Variants in COL6A5 observed in about 807,000 individuals in gnomAD.
COL6A5 encodes the protein collagen type VI alpha 5 chain.
COL6A5 carries 48 observed loss-of-function variants against 65.6 expected under a neutral mutation model. That is an observed-to-expected ratio of 0.73 (90% CI 0.58 to 0.93). COL6A5 has a LOEUF of 0.93. Ranked by LOEUF, COL6A5 falls within the 40% of genes least tolerant of loss-of-function variation. COL6A5 has a pLI of 0.00. For missense variants in COL6A5, 914 were observed against 928.3 expected (o/e 0.98, Z 0.20); for synonymous variants, 291 against 322.8 (o/e 0.90, Z 1.05).
intron 5 of COL6A5, among the ~76,000 whole-genome samples, chr3:130,467,932 T>G (rs1709855862): frequency 6.6e-6 from 1 of 152,018 alleles, no homozygotes. Context: ...CTTTCCAAAC[T>G]GGCATTTCCT....
chr3:130,417,270 T>C (rs1319456471), intron 24 of COL6A5, among the ~76,000 whole-genome samples: 2 of 152,098 alleles, frequency 1.3e-5, no homozygotes, highest in Non-Finnish European at 2.9e-5. Context: ...GAACTCCTTC[T>C]TGAAAAAAGT....
At chr3:130,478,891 G>T (rs888767602) in intron 7 of COL6A5, among the ~76,000 whole-genome samples, 2 of 152,110 alleles carry the variant, frequency 1.3e-5, no homozygotes, top group African/African-American at 4.8e-5. Context: ...ATCATGGAGT[G>T]AGGGTGATAG....
At chr3:130,465,624 A>G (rs1049678366) in intron 5 of COL6A5, among the ~76,000 whole-genome samples, 3 of 152,096 alleles carry the variant, frequency 2.0e-5, no homozygotes, top group African/African-American at 4.8e-5. Flanking sequence ...GCCTTCCAGA[A>G]CTAAGCACAT....
Position 130,384,290 on chromosome 3 carries a change from A to G in COL6A5, c.1301-514A>G, listed in dbSNP as rs191598363. On this transcript the variant is annotated intron_variant and NMD_transcript_variant, in intron 4 of 41. Coordinates refer to the COL6A5 transcript ENST00000312481. Reference sequence around the variant, plus strand: ...GAGTCAGAGAGAAAAGCAGGAGACAAGATAAGGCCAAGTTTTAGTTTTTAA... The same window carrying G: ...GAGTCAGAGAGAAAAGCAGGAGACAGGATAAGGCCAAGTTTTAGTTTTTAA... Among the ~76,000 whole-genome samples, 117 of 152,182 alleles carry G rather than the reference A, an allele frequency of 7.7e-4. No individual in the cohort carries two copies. The Middle Eastern group carries it at 0.017, about 22-fold the overall frequency.
chr3:130,459,738 A>G (rs960937351), intron 5 of COL6A5, among the ~76,000 whole-genome samples: 2 of 151,730 alleles, frequency 1.3e-5, no homozygotes, highest in African/African-American at 4.9e-5. Flanking sequence ...TTTTTTTTAC[A>G]AATGATAAAA....
At chr3:130,438,299 T>G (rs1709085457) in intron 1 of COL6A5, among the ~76,000 whole-genome samples, 1 of 152,196 alleles carries the variant, frequency 6.6e-6, no homozygotes, top group Admixed American at 6.5e-5. Flanking sequence ...CAGGCCAAGA[T>G]AGAGGTTTTA....
intron 7 of COL6A5, among the ~76,000 whole-genome samples, chr3:130,481,905 T>C (rs1710254932): frequency 6.6e-6 from 1 of 152,190 alleles, no homozygotes; most frequent in African/African-American, 2.4e-5. Flanking sequence ...TTTTTTTAAA[T>C]TGTAAATTTG....
exon 3 of COL6A5, chr3:130,376,449 C>T (rs1322698174): frequency 4.3e-6 from 7 of 1,612,344 alleles, no homozygotes; most frequent in Middle Eastern, 1.7e-4. Context: ...AAGCCCCATG[C>T]TGAACCACCT....
At chr3:130,477,349 ATGT>A (rs1352929952) in intron 7 of COL6A5, 6 of 334,858 alleles carry the variant, frequency 1.8e-5, no homozygotes, top group Non-Finnish European at 2.7e-5. Flanking sequence ...TTATCACTTT[ATGT>A]TGTTTTGTTC....
intron 1 of COL6A5, among the ~76,000 whole-genome samples, chr3:130,356,501 C>T (rs1025854261): frequency 6.6e-6 from 1 of 151,492 alleles, no homozygotes; most frequent in Non-Finnish European, 1.5e-5. Flanking sequence ...AAAGTAATTG[C>T]GGTTTTGCCA....
At chr3:130,383,936 C>T (rs1430193402) in intron 4 of COL6A5, among the ~76,000 whole-genome samples, 1 of 151,984 alleles carries the variant, frequency 6.6e-6, no homozygotes, top group East Asian at 1.9e-4. Flanking sequence ...AATCTTTGTC[C>T]TCATGGATTA....
chr3:130,471,996 G>A (rs1709965286), intron 7 of COL6A5, 70 bp downstream of exon 40: 5 of 1,385,682 alleles, frequency 3.6e-6, no homozygotes, highest in African/African-American at 2.9e-5. Flanking sequence ...GGTGGAAGAT[G>A]AGCAGTTAGA....
chr3:130,378,531 C>T (rs935417340), intron 3 of COL6A5, among the ~76,000 whole-genome samples: 2 of 152,144 alleles, frequency 1.3e-5, no homozygotes, highest in African/African-American at 4.8e-5. Flanking sequence ...TATTTCCTCT[C>T]AGCAACTGGA....
rs375842285 is a variant in COL6A5 at position 130,347,365 on chromosome 3, ATT to A, written c.-29+1387_-29+1388del. Among the ~76,000 whole-genome samples the A allele has an allele frequency of 9.8e-3, 1,481 of 151,114 alleles. 17 individuals are homozygous for A. The highest frequency in any genetic ancestry group is 0.079 in the South Asian group (382 of 4,816). ...CAATACAATGATTTTATATTTAATT[ATT>A]TTATATATATATATTAAGTTAAAAC... On this transcript the variant is annotated intron_variant and NMD_transcript_variant, in intron 1 of 41. Transcript: ENST00000312481.
intron 7 of COL6A5, among the ~76,000 whole-genome samples, chr3:130,478,296 G>A (rs905250462): frequency 2.6e-5 from 4 of 152,010 alleles, no homozygotes; most frequent in African/African-American, 9.7e-5. Context: ...TAGTGGTTAC[G>A]GTGAAAAGAA....
intron 2 of COL6A5, 121 bp from the exon 3 acceptor site, chr3:130,376,116 C>A: frequency 9.9e-7 from 1 of 1,005,444 alleles, no homozygotes; most frequent in Non-Finnish European, 1.3e-6. Flanking sequence ...CTCCAGAAGA[C>A]ACTTTTCTTG....
intron 1 of COL6A5, among the ~76,000 whole-genome samples, chr3:130,351,051 A>C (rs957630378): frequency 1.3e-5 from 2 of 152,242 alleles, no homozygotes; most frequent in African/African-American, 2.4e-5. Context: ...TGACAAAAGC[A>C]AGAAATGGGG....
intron 4 of COL6A5, among the ~76,000 whole-genome samples, chr3:130,444,228 AAC>A (rs893757591): frequency 7.2e-5 from 11 of 152,184 alleles, no homozygotes; most frequent in African/African-American, 2.6e-4. Context: ...ATATTGTTCA[AAC>A]ACACATGCTC....
intron 1 of COL6A5, among the ~76,000 whole-genome samples, chr3:130,360,027 A>G (rs1935055699): frequency 1.3e-5 from 2 of 152,120 alleles, no homozygotes; most frequent in Admixed American, 6.6e-5. Context: ...TCAAAATTTT[A>G]AGACAAGGAA....
Sources: allele counts gnomAD v4.1 joint callset (sites outside exome capture counted in the v4.1 genomes callset), GRCh38; gene constraint gnomAD v4.1.1; transcripts MANE v1.5; gene names NCBI Gene and HGNC (gene_info 2026-07-23, HGNC 2026-07-21).